Variants in LARP4 observed in about 807,000 individuals in gnomAD.
The protein encoded by LARP4 is la-related protein 4.
In LARP4, 29 loss-of-function variants were observed where a neutral mutation model predicts 92.9. That is an observed-to-expected ratio of 0.31 (90% confidence interval 0.23 to 0.43). LARP4 has a LOEUF of 0.43. Among genes scored for constraint, LARP4 ranks in the 20% least tolerant of loss-of-function variants. The pLI is 1.00. For synonymous variants in LARP4, 279 were observed against 284.1 expected, an observed-to-expected ratio of 0.98 and a Z score of 0.18; for missense variants, 732 against 860.0, an observed-to-expected ratio of 0.85 and a Z score of 1.86.
intron 8 of LARP4, among the ~76,000 whole-genome samples, chr12:50,448,043 T>C (rs1413417028): frequency 6.6e-6 from 1 of 152,056 alleles, no homozygotes; most frequent in Admixed American, 6.6e-5. Flanking sequence ...ATTTTTGTAT[T>C]TTTAGTAGAG....
In LARP4 at chr12:50,435,226, A is replaced by G. The variant is rs190635044; in HGVS notation, c.399-262A>G. ...TTAAACCTCTTTATGTATCAGTATA[A>G]TTGTCCAATGTTGTGCTAGATGTGT... On this transcript the variant is annotated intron_variant, in intron 4 of 15. Coordinates refer to ENST00000398473, the MANE Select transcript of LARP4 (RefSeq NM_052879.5). Among the ~76,000 whole-genome samples, 109 of 152,342 alleles carry G rather than the reference A, an allele frequency of 7.2e-4. 1 individual carries two copies. The highest frequency in any genetic ancestry group is 1.3e-3 in the Non-Finnish European group (90 of 68,032).
intron 1 of LARP4, among the ~76,000 whole-genome samples, chr12:50,404,043 A>G (rs894609323): frequency 1.3e-5 from 2 of 152,140 alleles, no homozygotes; most frequent in Non-Finnish European, 2.9e-5. Flanking sequence ...CCTGGCCAAC[A>G]TGGTGAAACC....
chr12:50,473,280 A>AT (rs1957138172), intron 13 of LARP4, 135 bp from the exon 14 acceptor site: 3 of 620,468 alleles, frequency 4.8e-6, no homozygotes, highest in East Asian at 2.8e-5. Context: ...GTATGAAGTG[A>AT]TTTTTCACCG....
chr12:50,458,317 A>G (rs1293152056), intron 10 of LARP4, among the ~76,000 whole-genome samples: 3 of 151,836 alleles, frequency 2.0e-5, no homozygotes, highest in African/African-American at 7.3e-5. Context: ...TTAGTTAGAG[A>G]CAGAGGGTTT....
In LARP4 at chr12:50,436,051, CTGTGTGTGTGTGTGTGTGTGTGTG is replaced by C. The variant is rs57676021; in HGVS notation, c.535+445_535+468del. Among the ~76,000 whole-genome samples, 24 of 137,772 alleles carry C rather than the reference CTGTGTGTGTGTGTGTGTGTGTGTG, an allele frequency of 1.7e-4. No individual in the cohort carries two copies. In the East Asian group the frequency reaches 5.1e-3, roughly 29 times the overall value. 90.4% of individuals were successfully genotyped at this position (137,772 alleles called of 152,430 possible). A position where few individuals can be genotyped will look rare whatever the true frequency, so the allele number is the denominator to read the frequency against. On this transcript the variant is annotated intron_variant, in intron 5 of 15. Transcript: ENST00000398473. ...CCTTGGCTTCCCATTTTTACTGACT[CTGTGTGTGTGTGTGTGTGTGTGTG>C]TGTGTGTGTGTGTGTGTATCCCGCT...
chr12:50,429,990 T>G (rs1949409464), intron 3 of LARP4, among the ~76,000 whole-genome samples: 1 of 152,162 alleles, frequency 6.6e-6, no homozygotes, highest in Non-Finnish European at 1.5e-5. Context: ...AAAGATAACC[T>G]TAAACTAATA....
chr12:50,416,835 G>C (rs1946879416), intron 1 of LARP4, among the ~76,000 whole-genome samples: 1 of 152,118 alleles, frequency 6.6e-6, no homozygotes, highest in Non-Finnish European at 1.5e-5. Flanking sequence ...AAATTTGCCA[G>C]GTGTGGTGGC....
At chr12:50,445,752 C>G (rs551148256) in intron 8 of LARP4, among the ~76,000 whole-genome samples, 1 of 152,204 alleles carries the variant, frequency 6.6e-6, no homozygotes, top group Admixed American at 6.5e-5. Flanking sequence ...ATGCTGTATT[C>G]TAGAGTTTCC....
chr12:50,467,541 C>T (rs1373469312), intron 13 of LARP4, among the ~76,000 whole-genome samples: 2 of 151,994 alleles, frequency 1.3e-5, no homozygotes, highest in East Asian at 3.8e-4. Context: ...GACCTCAAGC[C>T]ATCTGCCCAC....
At chr12:50,431,076 T>C (rs746934189) in intron 4 of LARP4, among the ~76,000 whole-genome samples, 1 of 151,970 alleles carries the variant, frequency 6.6e-6, no homozygotes, top group African/African-American at 2.4e-5. Context: ...GAGACCTGCC[T>C]GACCAACATG....
intron 12 of LARP4, among the ~76,000 whole-genome samples, chr12:50,465,823 G>A (rs1039903494): frequency 5.3e-4 from 81 of 152,050 alleles, no homozygotes; most frequent in African/African-American, 1.9e-3. Flanking sequence ...GAGATATACC[G>A]CCATCACCAC....
In LARP4 at chr12:50,472,843, G is replaced by C. The variant is rs997258961; in HGVS notation, c.1546-572G>C. ...TTTAACTTTTTTTTTTTTTTGGGAC[G>C]GAGTCTCGCACTGTAGCCCAGGCTG... On this transcript the variant is annotated intron_variant, in intron 13 of 15. Coordinates refer to ENST00000398473, the MANE Select transcript of LARP4 (RefSeq NM_052879.5). Among the ~76,000 whole-genome samples the C allele has an allele frequency of 2.0e-5, 3 of 148,428 alleles. No individual in the cohort carries two copies. In the South Asian group the frequency reaches 6.4e-4, roughly 32 times the overall value.
chr12:50,414,125 G>A lies in LARP4; in HGVS notation c.18+13097G>A, dbSNP rs148606384. On this transcript the variant is annotated intron_variant, in intron 1 of 15. Transcript: ENST00000398473. ...CAATGAACTGATTTTTCCTTTTCAT[G>A]CTTATCAAAATAGTATTGAATCTGG... is the stretch of plus-strand genomic sequence containing the variant. 6.9e-3 allele frequency among the ~76,000 whole-genome samples: 1,051 copies of A among 152,234 alleles called. 4 individuals are homozygous for A. The highest frequency in any genetic ancestry group is 0.017 in the Middle Eastern group (5 of 294).
chr12:50,447,913 G>T (rs1952485181), intron 8 of LARP4, among the ~76,000 whole-genome samples: 1 of 151,992 alleles, frequency 6.6e-6, no homozygotes, highest in African/African-American at 2.4e-5. Context: ...TGTTGCCCAG[G>T]CTGGACTGCA....
In LARP4 at chr12:50,475,627, G is replaced by T. The variant is rs533779865; in HGVS notation, c.1938G>T (p.Val646=). ...TACGGGAACTTCGCTCCAATGTGGT[G>T]TCTCCCACCAAAAATGAAGACAATG... is the stretch of plus-strand genomic sequence containing the variant. ...QPLRELRSNV[V]SPTKNEDNGA... Residue 646 remains valine, a synonymous_variant, in exon 16 of 16, where the codon GTG becomes GTT. Coordinates refer to ENST00000398473, the MANE Select transcript of LARP4 (RefSeq NM_052879.5). 6.2e-7 allele frequency: 1 copy of T among 1,614,100 alleles called. No homozygotes were observed. The highest frequency in any genetic ancestry group is 1.7e-5 in the Admixed American group (1 of 60,004).
At chr12:50,463,496 G>C (rs1306070663) in intron 12 of LARP4, among the ~76,000 whole-genome samples, 1 of 151,534 alleles carries the variant, frequency 6.6e-6, no homozygotes, top group Non-Finnish European at 1.5e-5. Flanking sequence ...TACTTGGGAG[G>C]CTGAGGCAGG....
chr12:50,473,824 G>A (rs1163976383), intron 14 of LARP4, among the ~76,000 whole-genome samples, 175 bp from the exon 15 acceptor site: 3 of 131,998 alleles, frequency 2.3e-5, no homozygotes, highest in African/African-American at 8.5e-5. Flanking sequence ...TGGGGGGGGT[G>A]GGGGGTGCGG....
intron 3 of LARP4, 105 bp from the exon 4 acceptor site, chr12:50,430,390 T>G: frequency 1.6e-6 from 1 of 623,352 alleles, no homozygotes. Context: ...TGTGGTGAAT[T>G]TTGATTGTAG....
chr12:50,429,143 C>T (rs1009554923), intron 3 of LARP4, 53 bp downstream of exon 3: 5 of 1,300,464 alleles, frequency 3.8e-6, no homozygotes, highest in Admixed American at 1.9e-5. Context: ...GGACACCCCC[C>T]ACCCATGGTC....
Sources: gnomAD v4.1 joint callset for allele counts (sites outside exome capture counted in the v4.1 genomes callset) on GRCh38, gnomAD v4.1.1 for gene constraint, MANE v1.5 for transcripts, NCBI Gene and HGNC (gene_info 2026-07-23, HGNC 2026-07-21) for gene names.